Variants in SMYD3 observed in about 807,000 individuals in gnomAD.
SMYD3 encodes the protein SET and MYND domain containing 3, also known as histone-lysine N-methyltransferase SMYD3.
SMYD3 carries 36 observed loss-of-function variants against 57.7 expected under a neutral mutation model. The observed-to-expected ratio is 0.62, with a 90% CI of 0.48 to 0.82. SMYD3 has a LOEUF of 0.82. Ranked by LOEUF, SMYD3 falls within the 40% of genes least tolerant of loss-of-function variation. SMYD3 has a pLI of 0.00. For synonymous variants in SMYD3, 211 were observed against 195.0 expected (o/e 1.08, Z -0.68); for missense variants, 515 against 538.8 (o/e 0.96, Z 0.44).
At chr1:246,398,162 C>T (rs2066706597) in intron 1 of SMYD3, among the ~76,000 whole-genome samples, 1 of 152,214 alleles carries the variant, frequency 6.6e-6, no homozygotes, top group African/African-American at 2.4e-5. Flanking sequence ...TGGTTATGGT[C>T]TAACTATCCC....
chr1:245,895,472 T>G (rs1158912443), intron 8 of SMYD3, among the ~76,000 whole-genome samples: 1 of 151,982 alleles, frequency 6.6e-6, no homozygotes, highest in African/African-American at 2.4e-5. Flanking sequence ...ACAGTTCTGC[T>G]TACAATTTAT....
At chr1:246,134,837 C>A (rs1173179719) in intron 5 of SMYD3, among the ~76,000 whole-genome samples, 1 of 150,456 alleles carries the variant, frequency 6.6e-6, no homozygotes, top group African/African-American at 2.4e-5. Context: ...TTTTAATTTC[C>A]ACTTCAATGC....
chr1:246,472,350 T>C (rs1444102547), intron 1 of SMYD3, among the ~76,000 whole-genome samples: 1 of 152,252 alleles, frequency 6.6e-6, no homozygotes, highest in Non-Finnish European at 1.5e-5. Flanking sequence ...CCTTTTACTA[T>C]GTTGTTTTTT....
At chr1:246,458,603 C>T (rs1450322138) in intron 1 of SMYD3, among the ~76,000 whole-genome samples, 2 of 144,330 alleles carry the variant, frequency 1.4e-5, no homozygotes, top group Admixed American at 7.0e-5. Flanking sequence ...CCCACCACCG[C>T]GCCTGGCTGA....
At chr1:246,225,236 T>A (rs2063310615) in intron 5 of SMYD3, among the ~76,000 whole-genome samples, 4 of 143,790 alleles carry the variant, frequency 2.8e-5, no homozygotes, top group Admixed American at 2.2e-4. Flanking sequence ...TGAAAAGAAA[T>A]GGCTAAACAG....
In SMYD3 at chr1:245,849,653, TA is replaced by T. The variant is rs574175012; in HGVS notation, c.1076+8842del. On this transcript the variant is annotated intron_variant, in intron 10 of 11. Coordinates refer to ENST00000490107, the MANE Select transcript of SMYD3 (RefSeq NM_001167740.2). ...TCTTTATTTTATTTATTTTATTTTA[TA>T]TTATTTATTTTATTTTGAGACAGGG... is the stretch of plus-strand genomic sequence containing the variant. Among the ~76,000 whole-genome samples, 546 of 129,162 alleles carry T rather than the reference TA, an allele frequency of 4.2e-3. 1 individual carries two copies. Among genetic ancestry groups the T allele is most frequent in the African/African-American group, 0.014 (493 of 35,598 alleles). 84.7% of individuals were successfully genotyped at this position (129,162 alleles called of 152,430 possible).
At chr1:245,980,496 A>G (rs550382292) in intron 5 of SMYD3, among the ~76,000 whole-genome samples, 1 of 152,358 alleles carries the variant, frequency 6.6e-6, no homozygotes, top group East Asian at 1.9e-4. Flanking sequence ...CCAAGCTAGC[A>G]TGGGAGCAGG....
At position 246,395,704 on chromosome 1, in the gene SMYD3, G is replaced by GTCA. The variant is rs1558442957; in HGVS notation, c.165-40611_165-40610insTGA. Among the ~76,000 whole-genome samples the GTCA allele has an allele frequency of 6.3e-4, 17 of 26,994 alleles. 1 individual carries two copies. In the South Asian group the frequency reaches 0.011, roughly 17 times the overall value. 17.7% of individuals were successfully genotyped at this position (26,994 alleles called of 152,430 possible). ...CAGGGAAGACGAACCCACCATGGCT[G>GTCA]GACAGGGAAGACGAACACACCAGTC... On this transcript the variant is annotated intron_variant, in intron 1 of 11. Transcript: ENST00000490107.
chr1:246,162,161 G>A (rs2062133528), intron 5 of SMYD3, among the ~76,000 whole-genome samples: 1 of 152,284 alleles, frequency 6.6e-6, no homozygotes, highest in East Asian at 1.9e-4. Context: ...GTGAGAATGA[G>A]TGAAGTAATG....
At chr1:246,482,209 G>A (rs955799859) in intron 1 of SMYD3, among the ~76,000 whole-genome samples, 2 of 152,126 alleles carry the variant, frequency 1.3e-5, no homozygotes, top group African/African-American at 4.8e-5. Context: ...TCCTCAGTTT[G>A]CCATGAGAGG....
At chr1:245,924,655 C>CTTTTTTTTTTTTTT in intron 7 of SMYD3, among the ~76,000 whole-genome samples, 1 of 94,706 alleles carries the variant, frequency 1.1e-5, no homozygotes, top group Non-Finnish European at 2.2e-5. Context: ...TCTATTCCAG[C>CTTTTTTTTTTTTTT]TTTTTTTTTT....
chr1:246,239,264 C>T (rs1348462858), intron 5 of SMYD3, among the ~76,000 whole-genome samples: 1 of 152,142 alleles, frequency 6.6e-6, no homozygotes, highest in Non-Finnish European at 1.5e-5. Flanking sequence ...CACCCCATGA[C>T]AGGCCCTGGT....
chr1:245,911,278 A>C (rs2054957384), intron 8 of SMYD3, among the ~76,000 whole-genome samples: 1 of 152,124 alleles, frequency 6.6e-6, no homozygotes, highest in Non-Finnish European at 1.5e-5. Context: ...AATGTAAATT[A>C]GTACAACCAC....
intron 5 of SMYD3, among the ~76,000 whole-genome samples, chr1:246,041,810 T>C (rs2059880409): frequency 6.6e-6 from 1 of 150,676 alleles, no homozygotes; most frequent in Non-Finnish European, 1.5e-5. Flanking sequence ...GTATGTAATC[T>C]TTATTGGGAA....
chr1:246,291,869 TACACCAGCATCTTAGACTTACTATCCAAC>T, intron 5 of SMYD3, among the ~76,000 whole-genome samples: 1 of 152,056 alleles, frequency 6.6e-6, no homozygotes, highest in African/African-American at 2.4e-5. Flanking sequence ...ACCAATGCAA[TACACCAGCATCTTAGACTTACTATCCAAC>T]ACACCAGCAT....
intron 10 of SMYD3, among the ~76,000 whole-genome samples, chr1:245,833,684 C>T (rs188778284): frequency 8.5e-4 from 130 of 152,298 alleles, no homozygotes; most frequent in Non-Finnish European, 1.5e-3. Context: ...CTTTGGTGGA[C>T]TCCCTATTTT....
intron 5 of SMYD3, among the ~76,000 whole-genome samples, chr1:246,155,054 T>C (rs573274150): frequency 2.2e-4 from 33 of 152,260 alleles, no homozygotes; most frequent in African/African-American, 7.7e-4. Context: ...GTGCTGGGAT[T>C]ACAGGCATGA....
intron 5 of SMYD3, among the ~76,000 whole-genome samples, chr1:245,944,795 A>G (rs1343160686): frequency 1.3e-5 from 2 of 152,216 alleles, no homozygotes; most frequent in Non-Finnish European, 2.9e-5. Flanking sequence ...AAACAGACAT[A>G]TAGACTAATG....
In SMYD3 at chr1:246,437,195, C is replaced by T. The variant is rs571211399; in HGVS notation, c.164+69859G>A. Among the ~76,000 whole-genome samples, 47 of 152,268 alleles carry T rather than the reference C, an allele frequency of 3.1e-4. No individual in the cohort carries two copies. The South Asian group carries it at 9.7e-3, about 32-fold the overall frequency. ...ATTTCAGAGTTTCTTACTGTATCTG[C>T]AGCAGCTGCTCTTCTCCTAGAGACA... On this transcript the variant is annotated intron_variant, in intron 1 of 11. Transcript: ENST00000490107.
Sources: gnomAD v4.1 joint callset for allele counts (sites outside exome capture counted in the v4.1 genomes callset) on GRCh38, gnomAD v4.1.1 for gene constraint, MANE v1.5 for transcripts, NCBI Gene and HGNC (gene_info 2026-07-23, HGNC 2026-07-21) for gene names.